ENOX1: variants seen among roughly 807,000 people sequenced by gnomAD.
The protein encoded by ENOX1 is ecto-NOX disulfide-thiol exchanger 1.
In ENOX1, 42 loss-of-function variants were observed where a neutral mutation model predicts 82.5. The observed-to-expected ratio is 0.51, with a 90% CI of 0.40 to 0.66. The LOEUF (loss-of-function observed/expected upper bound fraction) is 0.66, where lower values mean the gene tolerates loss of function less well. Ranked by LOEUF, ENOX1 falls within the 30% of genes least tolerant of loss-of-function variation. The pLI is 0.00. For missense variants in ENOX1, 608 were observed against 811.6 expected (o/e 0.75, Z 3.05); for synonymous variants, 271 against 282.2 (o/e 0.96, Z 0.40).
intron 10 of ENOX1, among the ~76,000 whole-genome samples, chr13:43,325,850 C>T (rs765483222): frequency 1.3e-5 from 2 of 152,148 alleles, no homozygotes; most frequent in Non-Finnish European, 2.9e-5. Context: ...CTAGACTGTT[C>T]TCTTGGGGGT....
chr13:43,675,741 T>C (rs749010667), intron 1 of ENOX1, among the ~76,000 whole-genome samples: 1 of 152,126 alleles, frequency 6.6e-6, no homozygotes, highest in Non-Finnish European at 1.5e-5. Flanking sequence ...CCCGGCTTCC[T>C]TTCAGGAGTC....
intron 2 of ENOX1, among the ~76,000 whole-genome samples, chr13:43,642,371 G>C (rs2083693244): frequency 6.6e-6 from 1 of 152,002 alleles, no homozygotes; most frequent in Admixed American, 6.6e-5. Context: ...GTTGGTCATT[G>C]GTAATAAATA....
At chr13:43,738,340 C>T (rs1043677989) in intron 1 of ENOX1, among the ~76,000 whole-genome samples, 4 of 152,046 alleles carry the variant, frequency 2.6e-5, no homozygotes, top group Admixed American at 6.6e-5. Flanking sequence ...AGTTCTCTGA[C>T]GTTAAATGAA....
intron 5 of ENOX1, among the ~76,000 whole-genome samples, chr13:43,367,078 T>C (rs2050898132): frequency 6.6e-6 from 1 of 152,264 alleles, no homozygotes; most frequent in African/African-American, 2.4e-5. Flanking sequence ...AGTGTTTTGC[T>C]AGGTACTCTG....
chr13:43,726,868 A>G (rs2089007248), intron 1 of ENOX1, among the ~76,000 whole-genome samples: 1 of 151,850 alleles, frequency 6.6e-6, no homozygotes, highest in South Asian at 2.1e-4. Flanking sequence ...CAGCCTCCCG[A>G]GGAGCTGGGA....
chr13:43,215,696 T>A (rs138207997), intron 16 of ENOX1, among the ~76,000 whole-genome samples: 451 of 152,272 alleles, frequency 3.0e-3, no homozygotes, highest in Non-Finnish European at 4.6e-3. Context: ...CTTCCCATGA[T>A]TGTCAACAGC....
chr13:43,269,645 A>G (rs1386383284), intron 12 of ENOX1, 68 bp from the exon 13 acceptor site: 1 of 1,206,686 alleles, frequency 8.3e-7, no homozygotes, highest in East Asian at 2.3e-5. Flanking sequence ...TATCCACAAT[A>G]CCCATTCAAA....
At position 43,733,760 on chromosome 13, in the gene ENOX1, G is replaced by A. The variant is rs577026898; in HGVS notation, c.-285+52892C>T. Among the ~76,000 whole-genome samples the A allele has an allele frequency of 2.6e-5, 4 of 152,256 alleles. No individual in the cohort carries two copies. In the South Asian group the frequency reaches 8.3e-4, roughly 32 times the overall value. On this transcript the variant is annotated intron_variant, in intron 1 of 16. Coordinates refer to ENST00000690772, the MANE Select transcript of ENOX1 (RefSeq NM_001347969.2). ...AGGAATATTAAAGTCCTAACATCCA[G>A]TACCTGTGAATCTGACTTTATTTGG...
At chr13:43,454,442 G>C (rs529644899) in intron 3 of ENOX1, among the ~76,000 whole-genome samples, 3 of 152,226 alleles carry the variant, frequency 2.0e-5, no homozygotes, top group Non-Finnish European at 4.4e-5. Flanking sequence ...CACCATGGGA[G>C]AGGAAACCAC....
intron 9 of ENOX1, among the ~76,000 whole-genome samples, chr13:43,341,063 C>T (rs945626848): frequency 3.9e-5 from 6 of 152,068 alleles, no homozygotes; most frequent in African/African-American, 9.7e-5. Context: ...TTTGGGAGGC[C>T]GAGGCGGGCA....
chr13:43,222,397 ACACACACGCAGG>A (rs1179583036), intron 16 of ENOX1, among the ~76,000 whole-genome samples: 1 of 151,620 alleles, frequency 6.6e-6, no homozygotes, highest in Non-Finnish European at 1.5e-5. Context: ...ACACACACAC[ACACACACGCAGG>A]CACACACACT....
intron 2 of ENOX1, among the ~76,000 whole-genome samples, chr13:43,541,277 T>C (rs2078715827): frequency 1.4e-5 from 2 of 147,168 alleles, no homozygotes; most frequent in African/African-American, 5.0e-5. Flanking sequence ...GGCAGGGGGA[T>C]TGGTTGAGGT....
intron 1 of ENOX1, among the ~76,000 whole-genome samples, chr13:43,753,776 C>T (rs771954686): frequency 2.6e-5 from 4 of 152,162 alleles, no homozygotes; most frequent in Non-Finnish European, 5.9e-5. Flanking sequence ...TTTCCTAAAA[C>T]AGTTTCTGAA....
chr13:43,219,749 A>C (rs904673795), intron 16 of ENOX1, among the ~76,000 whole-genome samples: 1 of 152,134 alleles, frequency 6.6e-6, no homozygotes, highest in African/African-American at 2.4e-5. Context: ...GCCTCTAATC[A>C]CATGTACAAA....
chr13:43,428,707 G>A (rs1305968287), intron 3 of ENOX1, among the ~76,000 whole-genome samples: 2 of 152,152 alleles, frequency 1.3e-5, no homozygotes, highest in Non-Finnish European at 2.9e-5. Context: ...CATGTTGGCA[G>A]CTAGCTACAA....
intron 8 of ENOX1, among the ~76,000 whole-genome samples, chr13:43,353,289 A>G (rs1011335783): frequency 6.6e-6 from 1 of 152,252 alleles, no homozygotes; most frequent in African/African-American, 2.4e-5. Context: ...CTTGTGGGTC[A>G]TAAGAAAGAC....
chr13:43,556,848 T>G (rs1007689582), intron 2 of ENOX1, among the ~76,000 whole-genome samples: 1 of 152,230 alleles, frequency 6.6e-6, no homozygotes, highest in Non-Finnish European at 1.5e-5. Flanking sequence ...CATATATGGC[T>G]ACGTGCCAAA....
At chr13:43,421,657 C>T (rs1341763441) in intron 3 of ENOX1, among the ~76,000 whole-genome samples, 5 of 152,140 alleles carry the variant, frequency 3.3e-5, no homozygotes, top group Non-Finnish European at 5.9e-5. Flanking sequence ...CTCCCATGCT[C>T]TCATAGCACT....
intron 2 of ENOX1, among the ~76,000 whole-genome samples, chr13:43,586,756 T>A (rs1490337249): frequency 6.6e-6 from 1 of 152,176 alleles, no homozygotes; most frequent in Non-Finnish European, 1.5e-5. Flanking sequence ...GTGTTTTCAG[T>A]GAGCAGGTGC....
Sources: allele counts gnomAD v4.1 joint callset (sites outside exome capture counted in the v4.1 genomes callset), GRCh38; gene constraint gnomAD v4.1.1; transcripts MANE v1.5; gene names NCBI Gene and HGNC (gene_info 2026-07-23, HGNC 2026-07-21).